PCNT: variants seen among roughly 807,000 people sequenced by gnomAD.
The protein encoded by PCNT is kendrin.
PCNT carries 319 observed loss-of-function variants against 380.4 expected under a neutral mutation model. That is an observed-to-expected ratio of 0.84 (90% CI 0.77 to 0.92). The LOEUF (loss-of-function observed/expected upper bound fraction) is 0.92. Ranked by LOEUF, PCNT falls within the 40% of genes least tolerant of loss-of-function variation. The probability of loss-of-function intolerance (pLI) is 0.00; values close to 1 mark genes in which losing one functional copy is unlikely to be tolerated. For missense variants in PCNT, 4,400 were observed against 4,255.3 expected (o/e 1.03, Z -0.95); for synonymous variants, 1,845 against 1,735.2 (o/e 1.06, Z -1.57).
intron 32 of PCNT, 135 bp downstream of exon 32, chr21:46,422,259 T>A: frequency 8.7e-7 from 1 of 1,145,838 alleles, no homozygotes; most frequent in Non-Finnish European, 1.3e-6. Context: ...ACCTGCATTT[T>A]AATGACTCAC....
At chr21:46,433,106 G>A (rs1274025235) in intron 38 of PCNT, among the ~76,000 whole-genome samples, 1 of 152,218 alleles carries the variant, frequency 6.6e-6, no homozygotes, top group Non-Finnish European at 1.5e-5. Context: ...AGCAGGCCGG[G>A]CACGGTGGCC....
Position 46,425,840 on chromosome 21 carries a change from C to A in PCNT, c.7189C>A (p.Gln2397Lys), listed in dbSNP as rs776734492. 2 of 1,613,666 alleles carry A rather than the reference C, an allele frequency of 1.2e-6. No homozygotes were observed. ...VRPKHVKALL[Q>K]MVRDESHQIL... is the part of the protein sequence containing the mutation. ...CGCTTTCCCGCCACAGGCTTTACTGCAGATGGTGCGTGACGAGAGCCACCA... is the reference window on the plus strand; with the variant it reads ...CGCTTTCCCGCCACAGGCTTTACTGAAGATGGTGCGTGACGAGAGCCACCA... Residue 2397 changes from glutamine (Q) to lysine (K), a missense_variant, in exon 33 of 47, where the codon CAG becomes AAG. Transcript: ENST00000359568. The surrounding 1 kb of genome is among the most constrained non-coding windows in gnomAD (Gnocchi z 4.2).
chr21:46,417,693 G>A (rs1029954877), intron 30 of PCNT, among the ~76,000 whole-genome samples: 6 of 152,102 alleles, frequency 3.9e-5, no homozygotes, highest in African/African-American at 1.4e-4. Flanking sequence ...TTGAGCCCAG[G>A]AATTTGAGAC....
rs113369020 is a variant in PCNT, at chr21:46,385,240, C to T, written c.3313-592C>T. 1.7e-3 allele frequency among the ~76,000 whole-genome samples: 260 copies of T among 152,286 alleles called. 2 individuals carry two copies. The highest frequency in any genetic ancestry group is 5.9e-3 in the African/African-American group (247 of 41,550). ...GTGTGGTGGCACGCACCTGTAGTCC[C>T]AGCTTCTCAGAAAGCTGAGGTGGGA... On this transcript the variant is annotated intron_variant, in intron 16 of 46. Transcript: ENST00000359568.
chr21:46,403,614 C>T (rs369231525), intron 27 of PCNT, among the ~76,000 whole-genome samples: 206 of 69,578 alleles, frequency 3.0e-3, no homozygotes, highest in Middle Eastern at 0.017. Flanking sequence ...GTGGGAGAAT[C>T]GTGTGTGTGT....
Position 46,397,476 on chromosome 21 carries a change from C to T in PCNT, c.4428C>T (p.Asn1476=). The T allele has an allele frequency of 6.2e-7, 1 of 1,613,954 alleles. No homozygotes were observed. The highest frequency in any genetic ancestry group is 8.5e-7 in the Non-Finnish European group (1 of 1,179,824). Residue 1476 remains asparagine, a synonymous_variant, in exon 22 of 47, where the codon AAC becomes AAT. Transcript: ENST00000359568. Reference sequence around the variant, plus strand: ...CATCTCTGGACAAGCATTTGCGCAACCAGCGGCAATTCATGGATGTAAGAA... The same window carrying T: ...CATCTCTGGACAAGCATTTGCGCAATCAGCGGCAATTCATGGATGTAAGAA... ...QVASLDKHLR[N]QRQFMDEQAA...
In PCNT at chr21:46,334,470, C is replaced by T; in HGVS notation, c.341C>T (p.Pro114Leu). 3 of 1,614,226 alleles carry T rather than the reference C, an allele frequency of 1.9e-6. No homozygotes were observed. The highest frequency in any genetic ancestry group is 2.5e-6 in the Non-Finnish European group (3 of 1,180,042). The change falls in exon 3 of 47, where the codon CCA becomes CTA. Residue 114 changes from proline to leucine, a missense_variant. Transcript: ENST00000359568. ...CAGAAGCAAGTCAATGACCATCCTC[C>T]AGAGCAGTGTGGGATGTTCACAGTC... ...LQQKQVNDHP[P>L]EQCGMFTVSD...
At chr21:46,349,606 G>A in intron 7 of PCNT, 78 bp from the exon 8 acceptor site, 2 of 1,478,440 alleles carry the variant, frequency 1.4e-6, no homozygotes, top group Non-Finnish European at 1.9e-6. Context: ...CGCTCTGGGT[G>A]CACCATTATT....
In PCNT at chr21:46,416,603, G is replaced by C. The variant is rs1192971830; in HGVS notation, c.6685G>C (p.Val2229Leu). Residue 2229 changes from valine (V) to leucine (L), a missense_variant, in exon 30 of 47, where the codon GTC becomes CTC. By Grantham distance (32) the Val-to-Leu change is conservative (BLOSUM62 1). Coordinates refer to ENST00000359568, the MANE Select transcript of PCNT (RefSeq NM_006031.6). ...CCTGTCTTCCTGGAGCTCCCCTGAG[G>C]TCCTCAGGAAGGACTGGACCCTGGA... ...LDLSSWSSPE[V>L]LRKDWTLEPW... is the part of the protein sequence containing the mutation. The C allele has an allele frequency of 1.2e-6, 2 of 1,600,872 alleles. No homozygotes were observed. The highest frequency in any genetic ancestry group is 1.3e-5 in the African/African-American group (1 of 74,654).
At chr21:46,349,276 T>C in intron 7 of PCNT, 90 bp downstream of exon 7, 1 of 1,075,142 alleles carries the variant, frequency 9.3e-7, no homozygotes, top group Non-Finnish European at 1.5e-6. Flanking sequence ...CATGCGTCAT[T>C]GCGCACGTTT....
rs759968568 is a variant in PCNT at position 46,444,735 on chromosome 21, C to T, written c.9881C>T (p.Thr3294Ile). ...AATTCAAGATTAGAAAGATCCCTGA[C>T]TGCTTCTCAAGATCCAGAACATTCC... The part of the protein sequence containing the change: ...SPNSRLERSL[T>I]ASQDPEHSLT... Residue 3294 changes from threonine (T) to isoleucine (I), a missense_variant, in exon 46 of 47, where the codon ACT becomes ATT. Thr to Ile is a moderately conservative substitution (Grantham distance 89). Transcript: ENST00000359568. The T allele has an allele frequency of 1.2e-6, 2 of 1,612,860 alleles. No individual in the cohort carries two copies. The highest frequency in any genetic ancestry group is 2.2e-5 in the South Asian group (2 of 91,034).
At chr21:46,375,157 C>T (rs947969364) in intron 15 of PCNT, among the ~76,000 whole-genome samples, 5 of 152,078 alleles carry the variant, frequency 3.3e-5, no homozygotes, top group Admixed American at 1.3e-4. Context: ...ATAAGATTCC[C>T]CTGCCCTGCC....
chr21:46,393,664 G>T (rs1247338822), intron 21 of PCNT, among the ~76,000 whole-genome samples: 1 of 152,212 alleles, frequency 6.6e-6, no homozygotes, highest in African/African-American at 2.4e-5. Context: ...TGAACGGCCC[G>T]GTGAGGCCGG....
rs2053591343 is a variant in PCNT at position 46,440,873 on chromosome 21, C to T, written c.9412C>T (p.His3138Tyr). 1.9e-6 allele frequency: 3 copies of T among 1,607,774 alleles called. No homozygotes were observed. Among genetic ancestry groups the T allele is most frequent in the African/African-American group, 2.7e-5 (2 of 74,896 alleles). Residue 3138 changes from histidine to tyrosine, a missense_variant, in exon 43 of 47, where the codon CAT becomes TAT. Physicochemically the swap from His to Tyr is moderately conservative, Grantham distance 83. Coordinates refer to ENST00000359568, the MANE Select transcript of PCNT (RefSeq NM_006031.6). ...SNVKMEKLYL[H>Y]YLRAESFRKA... ...CTTTTAGATGGAAAAATTGTACCTG[C>T]ATTACTTGAGAGCAGAGAGCTTTAG... is the stretch of plus-strand genomic sequence containing the variant.
At chr21:46,355,183 C>G (rs1308029768) in intron 11 of PCNT, among the ~76,000 whole-genome samples, 1 of 152,192 alleles carries the variant, frequency 6.6e-6, no homozygotes, top group Non-Finnish European at 1.5e-5. Flanking sequence ...CGGTCCAGGG[C>G]CCTGCCGCCC....
chr21:46,390,625 G>T (rs765204054), intron 19 of PCNT, 45 bp from the exon 20 acceptor site: 1 of 1,605,566 alleles, frequency 6.2e-7, no homozygotes, highest in South Asian at 1.1e-5. Flanking sequence ...GTAGGCTTCA[G>T]TTATTTTTGA....
intron 27 of PCNT, 131 bp downstream of exon 27, chr21:46,402,614 C>A: frequency 3.2e-6 from 3 of 936,804 alleles, no homozygotes; most frequent in Non-Finnish European, 5.2e-6. Context: ...ATGTGGCAGA[C>A]AGTGCAGAGA....
chr21:46,402,044 G>T (rs1332585434), intron 26 of PCNT, among the ~76,000 whole-genome samples: 1 of 152,106 alleles, frequency 6.6e-6, no homozygotes, highest in Admixed American at 6.6e-5. Context: ...AGTAGAGACA[G>T]GGTTTCACCA....
chr21:46,443,813 C>G lies in PCNT; in HGVS notation c.9704C>G (p.Pro3235Arg). 5.6e-6 allele frequency: 9 copies of G among 1,613,748 alleles called. No homozygotes were observed. Among genetic ancestry groups the G allele is most frequent in the African/African-American group, 1.3e-5 (1 of 75,020 alleles). Residue 3235 changes from proline to arginine, a missense_variant, in exon 45 of 47, where the codon CCC becomes CGC. Pro to Arg is a moderately radical substitution (Grantham distance 103, BLOSUM62 -2). Coordinates refer to ENST00000359568, the MANE Select transcript of PCNT (RefSeq NM_006031.6). ...TTGTTAAATAATTCTGGGGAAGGGC[C>G]CCGAGCACGACAGCCGCAGTCTCCA... ...LAQGKAPRPGPRARQPQSPPR... is the reference protein window; with the variant it reads ...LAQGKAPRPGRRARQPQSPPR...
Sources: gnomAD v4.1 joint callset for allele counts (sites outside exome capture counted in the v4.1 genomes callset) on GRCh38, gnomAD v4.1.1 for gene constraint, Gnocchi (gnomAD v3.1) non-coding constraint, MANE v1.5 for transcripts, NCBI Gene and HGNC (gene_info 2026-07-23, HGNC 2026-07-21) for gene names.